Variants in GRID1 observed in about 807,000 individuals in gnomAD.
GRID1 encodes the protein glutamate receptor ionotropic, delta-1.
A neutral mutation model predicts 98.0 loss-of-function variants in GRID1; 28 were observed. The observed-to-expected ratio is 0.29, with a 90% CI of 0.21 to 0.39. The LOEUF is 0.39. Ranked by LOEUF, GRID1 falls within the 10% of genes least tolerant of loss-of-function variation. The pLI, the probability that GRID1 is intolerant of heterozygous loss-of-function variation, is 1.00. For missense variants in GRID1, 1,111 were observed against 1,340.5 expected, an observed-to-expected ratio of 0.83 and a Z score of 2.67; for synonymous variants, 553 against 538.5, an observed-to-expected ratio of 1.03 and a Z score of -0.37.
chr10:85,662,714 G>T (rs1349466349), intron 12 of GRID1, among the ~76,000 whole-genome samples: 1 of 152,228 alleles, frequency 6.6e-6, no homozygotes, highest in Non-Finnish European at 1.5e-5. Flanking sequence ...CCTACCAGAA[G>T]AGGGCTGCAC....
At chr10:86,305,932 T>C (rs1847753458) in intron 2 of GRID1, among the ~76,000 whole-genome samples, 1 of 152,240 alleles carries the variant, frequency 6.6e-6, no homozygotes, top group Non-Finnish European at 1.5e-5. Flanking sequence ...AAGACCTTGA[T>C]ACAAGACATT....
At chr10:85,786,866 G>C (rs1159697287) in intron 8 of GRID1, among the ~76,000 whole-genome samples, 1 of 151,848 alleles carries the variant, frequency 6.6e-6, no homozygotes, top group African/African-American at 2.4e-5. Flanking sequence ...GCAGGGCGTG[G>C]AGGAGGGGTG....
intron 4 of GRID1, among the ~76,000 whole-genome samples, chr10:86,044,999 C>G (rs1420745012): frequency 6.6e-6 from 1 of 152,254 alleles, no homozygotes; most frequent in East Asian, 1.9e-4. Context: ...GTACCAGGCC[C>G]TCCTCTTGAC....
intron 4 of GRID1, among the ~76,000 whole-genome samples, chr10:86,025,722 G>A (rs2131889701): frequency 6.6e-6 from 1 of 152,342 alleles, no homozygotes; most frequent in South Asian, 2.1e-4. Context: ...CCTGCACTGT[G>A]TATACAAGCG....
At chr10:85,630,177 A>G (rs563722023) in intron 13 of GRID1, among the ~76,000 whole-genome samples, 39 of 152,302 alleles carry the variant, frequency 2.6e-4, no homozygotes, top group African/African-American at 9.1e-4. Context: ...AGAGTCTTCA[A>G]TCCCACTTCA....
At chr10:86,354,777 C>G (rs933059243) in intron 2 of GRID1, among the ~76,000 whole-genome samples, 2 of 152,202 alleles carry the variant, frequency 1.3e-5, no homozygotes, top group Admixed American at 1.3e-4. Context: ...TCAGAGCAGA[C>G]AAGGCCACAG....
chr10:86,153,934 T>G (rs1845206544), intron 3 of GRID1, among the ~76,000 whole-genome samples: 1 of 152,166 alleles, frequency 6.6e-6, no homozygotes, highest in Non-Finnish European at 1.5e-5. Flanking sequence ...TGAATTTTCC[T>G]TCCAAAATAC....
rs573137182 is a variant in GRID1, at chr10:85,938,925, T to G, written c.727-22686A>C. Among the ~76,000 whole-genome samples the G allele has an allele frequency of 1.1e-3, 166 of 152,358 alleles. 3 individuals are homozygous for G. In the South Asian group the frequency reaches 0.033, roughly 30 times the overall value. ...AGTAAAATCCCTTTTTAAAGTTAAT[T>G]TCTTCAAAATAAATTAATCAAGTAA... On this transcript the variant is annotated intron_variant, in intron 4 of 15. Coordinates refer to ENST00000327946, the MANE Select transcript of GRID1 (RefSeq NM_017551.3).
chr10:86,173,573 T>TTTTTG (rs1554858364), intron 3 of GRID1, among the ~76,000 whole-genome samples: 3 of 28,856 alleles, frequency 1.0e-4, no homozygotes, highest in East Asian at 1.3e-3. Context: ...CTTTTCTTTT[T>TTTTTG]TTTTATTTTA....
At chr10:86,049,841 A>G (rs995433730) in intron 4 of GRID1, among the ~76,000 whole-genome samples, 2 of 152,162 alleles carry the variant, frequency 1.3e-5, no homozygotes, top group Non-Finnish European at 2.9e-5. Context: ...TCATCGTTTA[A>G]GCCCAGCAAG....
At chr10:85,935,047 A>G (rs1841907969) in intron 4 of GRID1, among the ~76,000 whole-genome samples, 2 of 152,252 alleles carry the variant, frequency 1.3e-5, no homozygotes, top group Admixed American at 1.3e-4. Context: ...GAGCAAAAGC[A>G]TCTAATATTG....
rs569701012 is a variant in GRID1, at chr10:85,615,426, A to C, written c.2361-1779T>G. On this transcript the variant is annotated intron_variant, in intron 14 of 15. Transcript: ENST00000327946. The stretch of plus-strand genomic sequence containing the variant: ...TACTCTGTTTTCCCTGAGCAAGCAC[A>C]GTGGCTGGTACCACTAAGGCTGTCT... Among the ~76,000 whole-genome samples the C allele has an allele frequency of 3.3e-5, 5 of 152,354 alleles. No homozygotes were observed. In the South Asian group the frequency reaches 1.0e-3, roughly 32 times the overall value.
At chr10:85,910,762 G>A (rs1473057171) in intron 5 of GRID1, among the ~76,000 whole-genome samples, 6 of 152,200 alleles carry the variant, frequency 3.9e-5, no homozygotes, top group African/African-American at 2.4e-5. Flanking sequence ...AGAGAAAAGA[G>A]ATCAGCTTGT....
At chr10:85,830,588 C>T (rs115505315) in intron 8 of GRID1, among the ~76,000 whole-genome samples, 2,444 of 152,000 alleles carry the variant, frequency 0.016, 64 homozygotes, top group African/African-American at 0.055. Flanking sequence ...GTCTAATATC[C>T]AGAATCTGTA....
intron 3 of GRID1, among the ~76,000 whole-genome samples, chr10:86,202,194 CTGGGGCCT>C (rs1356906009): frequency 6.6e-6 from 1 of 152,242 alleles, no homozygotes; most frequent in Non-Finnish European, 1.5e-5. Context: ...CCCTGGGCCC[CTGGGGCCT>C]AACTTCCAAT....
At chr10:86,078,680 C>T (rs938410038) in intron 4 of GRID1, among the ~76,000 whole-genome samples, 5 of 152,266 alleles carry the variant, frequency 3.3e-5, no homozygotes, top group South Asian at 2.1e-4. Flanking sequence ...GTTCAAAGAA[C>T]GCTTGGGGGC....
intron 3 of GRID1, among the ~76,000 whole-genome samples, chr10:86,154,990 G>A (rs372165534): frequency 6.6e-6 from 1 of 152,200 alleles, no homozygotes; most frequent in African/African-American, 2.4e-5. Flanking sequence ...TTGGAGAGGT[G>A]AGTGCCAATG....
intron 2 of GRID1, among the ~76,000 whole-genome samples, chr10:86,252,872 G>A (rs1404624104): frequency 6.6e-6 from 1 of 152,212 alleles, no homozygotes; most frequent in Non-Finnish European, 1.5e-5. Flanking sequence ...ATGTAAAGGA[G>A]GAGTGTTTCT....
chr10:85,747,429 T>G (rs1282995132), intron 8 of GRID1, among the ~76,000 whole-genome samples: 1 of 152,166 alleles, frequency 6.6e-6, no homozygotes, highest in South Asian at 2.1e-4. Context: ...GTCAGCATTT[T>G]GCAAGCTTCC....
Sources: gnomAD v4.1 joint callset for allele counts (sites outside exome capture counted in the v4.1 genomes callset) on GRCh38, gnomAD v4.1.1 for gene constraint, MANE v1.5 for transcripts, NCBI Gene and HGNC (gene_info 2026-07-23, HGNC 2026-07-21) for gene names.